Variants in AKAP9 observed in about 807,000 individuals in gnomAD.
AKAP9 encodes the protein A-kinase anchor protein 9.
A neutral mutation model predicts 488.5 loss-of-function variants in AKAP9; 311 were observed. The ratio of observed to expected loss-of-function variants is 0.64; its 90% confidence interval spans 0.58 to 0.70. AKAP9 has a LOEUF of 0.70. AKAP9 is among the 30% of genes least tolerant of loss of function. The probability of loss-of-function intolerance (pLI) is 0.00; values close to 1 mark genes in which losing one functional copy is unlikely to be tolerated. For missense variants in AKAP9, 4,215 were observed against 4,374.5 expected (o/e 0.96, Z 1.03); for synonymous variants, 1,462 against 1,483.5 (o/e 0.99, Z 0.33).
chr7:91,962,718 T>G (rs1407956084), intron 1 of AKAP9, among the ~76,000 whole-genome samples: 1 of 152,166 alleles, frequency 6.6e-6, no homozygotes, highest in African/African-American at 2.4e-5. Flanking sequence ...TCCTTAAAAG[T>G]GATTCGTTCT....
rs749914586 is a variant in AKAP9 at position 92,017,021 on chromosome 7, T to C, written c.3756T>C (p.Phe1252=). ...AATTGTTTGTTTACCATCCAGACTT[T>C]CAAGAAAATATGCACACTCTTCTCA... is the stretch of plus-strand genomic sequence containing the variant. ...LQDYRYEVQD[F]QENMHTLLNK... is the part of the protein sequence containing the mutation. Residue 1252 remains phenylalanine, a synonymous_variant, in exon 12 of 50, where the codon TTT becomes TTC. Coordinates refer to ENST00000356239, the MANE Select transcript of AKAP9 (RefSeq NM_005751.5). 2 of 1,572,530 alleles carry C rather than the reference T, an allele frequency of 1.3e-6. No individual in the cohort carries two copies. Among genetic ancestry groups the C allele is most frequent in the Non-Finnish European group, 1.7e-6 (2 of 1,148,720 alleles).
At chr7:91,998,509 G>A (rs10243939) in intron 7 of AKAP9, among the ~76,000 whole-genome samples, 2 of 119,470 alleles carry the variant, frequency 1.7e-5, no homozygotes, top group South Asian at 5.7e-4. Flanking sequence ...GTGATACTAA[G>A]AAAAATAAAC....
At chr7:92,005,361 A>G (rs1487160787) in intron 8 of AKAP9, among the ~76,000 whole-genome samples, 1 of 152,174 alleles carries the variant, frequency 6.6e-6, no homozygotes, top group Non-Finnish European at 1.5e-5. Flanking sequence ...AATGACATTG[A>G]AATTAGAGCA....
At chr7:92,077,417 T>C (rs1181012097) in intron 29 of AKAP9, among the ~76,000 whole-genome samples, 1 of 151,958 alleles carries the variant, frequency 6.6e-6, no homozygotes, top group Non-Finnish European at 1.5e-5. Context: ...AAGCATTCGA[T>C]AAATCCAGCT....
chr7:91,962,762 C>T (rs1455225730), intron 1 of AKAP9, among the ~76,000 whole-genome samples: 3 of 152,060 alleles, frequency 2.0e-5, no homozygotes, highest in East Asian at 1.9e-4. Context: ...TATTTTGATT[C>T]CATATCTATC....
At position 92,108,641 on chromosome 7, in the gene AKAP9, G is replaced by C; in HGVS notation, c.11686+8G>C. The C allele has an allele frequency of 1.2e-6, 2 of 1,614,116 alleles. No homozygotes were observed. On this transcript the variant is annotated splice_region_variant and intron_variant, in intron 49 of 49. Transcript: ENST00000356239. ...TTGGAACTATACAGTCAGGTGCTCT[G>C]AGTTTAACCACATCTTGGCAGCACC...
intron 12 of AKAP9, among the ~76,000 whole-genome samples, chr7:92,021,180 A>G (rs1045616893): frequency 5.3e-5 from 8 of 152,214 alleles, no homozygotes; most frequent in East Asian, 3.8e-4. Flanking sequence ...ACTGACTTCC[A>G]TAATTACTCA....
intron 1 of AKAP9, among the ~76,000 whole-genome samples, chr7:91,962,754 T>C (rs1308936828): frequency 6.6e-6 from 1 of 152,150 alleles, no homozygotes; most frequent in Non-Finnish European, 1.5e-5. Context: ...AAAATTCCTA[T>C]TTTGATTCCA....
chr7:92,035,466 T>G (rs1254989480), intron 16 of AKAP9, among the ~76,000 whole-genome samples: 1 of 152,236 alleles, frequency 6.6e-6, no homozygotes, highest in Non-Finnish European at 1.5e-5. Context: ...TTCTTTAGCC[T>G]AAAAACCTTC....
intron 17 of AKAP9, among the ~76,000 whole-genome samples, chr7:92,039,351 T>G (rs1805681734): frequency 6.6e-6 from 1 of 152,256 alleles, no homozygotes; most frequent in African/African-American, 2.4e-5. Flanking sequence ...AAGTTGTACG[T>G]ACATTAATTC....
chr7:91,949,635 G>A (rs917813490), intron 1 of AKAP9, among the ~76,000 whole-genome samples: 6 of 152,150 alleles, frequency 3.9e-5, no homozygotes, highest in Non-Finnish European at 8.8e-5. Flanking sequence ...TCACCAAACT[G>A]TAACTTACAA....
chr7:92,067,196 C>T (rs777617633), intron 26 of AKAP9, among the ~76,000 whole-genome samples: 5 of 152,110 alleles, frequency 3.3e-5, no homozygotes, highest in Non-Finnish European at 7.3e-5. Flanking sequence ...TAGCCTCTTC[C>T]CAGGCAGTCA....
At chr7:91,963,314 A>G (rs1030516152) in intron 1 of AKAP9, among the ~76,000 whole-genome samples, 1 of 152,122 alleles carries the variant, frequency 6.6e-6, no homozygotes, top group Non-Finnish European at 1.5e-5. Flanking sequence ...ACTGGGAAAA[A>G]ATTTAAATAT....
intron 21 of AKAP9, among the ~76,000 whole-genome samples, chr7:92,046,623 T>C (rs1807052877): frequency 6.6e-6 from 1 of 152,230 alleles, no homozygotes; most frequent in African/African-American, 2.4e-5. Context: ...AAATTCACTC[T>C]TTTCAAACTT....
intron 1 of AKAP9, among the ~76,000 whole-genome samples, chr7:91,944,328 A>G (rs768059685): frequency 6.6e-6 from 1 of 152,076 alleles, no homozygotes; most frequent in Non-Finnish European, 1.5e-5. Flanking sequence ...TTTTCTTTAT[A>G]CTTTTAGTAT....
chr7:92,091,325 C>T (rs760517020), intron 38 of AKAP9, among the ~76,000 whole-genome samples: 4 of 152,032 alleles, frequency 2.6e-5, no homozygotes, highest in Admixed American at 1.3e-4. Context: ...CTGTGGTTCA[C>T]GCCTGTAATC....
chr7:92,053,084 A>G, intron 22 of AKAP9, 126 bp downstream of exon 22: 1 of 741,398 alleles, frequency 1.3e-6, no homozygotes, highest in Admixed American at 2.0e-5. Flanking sequence ...TTGAATGCAT[A>G]TGCATCTTAA....
At chr7:92,080,883 T>C (rs1303059614) in intron 31 of AKAP9, among the ~76,000 whole-genome samples, 1 of 152,174 alleles carries the variant, frequency 6.6e-6, no homozygotes, top group Non-Finnish European at 1.5e-5. Context: ...CTAAGATACG[T>C]TTTCAGTTTG....
chr7:92,097,441 A>G, intron 41 of AKAP9, 84 bp downstream of exon 41: 1 of 1,540,224 alleles, frequency 6.5e-7, no homozygotes, highest in Non-Finnish European at 8.8e-7. Flanking sequence ...GGATTAAATT[A>G]CTTAAATAGC....
Sources: allele counts gnomAD v4.1 joint callset (sites outside exome capture counted in the v4.1 genomes callset), GRCh38; gene constraint gnomAD v4.1.1; transcripts MANE v1.5; gene names NCBI Gene and HGNC (gene_info 2026-07-23, HGNC 2026-07-21).